The following HS6ST3 variants were observed in gnomAD, a reference collection of about 807,000 sequenced individuals.
The protein encoded by HS6ST3 is heparan-sulfate 6-O-sulfotransferase 3.
In HS6ST3, 12 loss-of-function variants were observed where a neutral mutation model predicts 36.7. That is an observed-to-expected ratio of 0.33 (90% CI 0.21 to 0.53). The LOEUF (loss-of-function observed/expected upper bound fraction) is 0.53, where lower values mean the gene tolerates loss of function less well. Ranked by LOEUF, HS6ST3 falls within the 20% of genes least tolerant of loss-of-function variation. The pLI is 0.95. For missense variants in HS6ST3, 584 were observed against 640.9 expected (o/e 0.91, Z 0.96); for synonymous variants, 240 against 257.5 (o/e 0.93, Z 0.65).
At chr13:96,361,554 A>G (rs1455445964) in intron 1 of HS6ST3, among the ~76,000 whole-genome samples, 1 of 152,188 alleles carries the variant, frequency 6.6e-6, no homozygotes, top group African/African-American at 2.4e-5. Context: ...TGAAAACAAC[A>G]AAAGGGTGAG....
In HS6ST3 at chr13:96,108,039, A is replaced by G. The variant is rs564099302; in HGVS notation, c.707+16470A>G. On this transcript the variant is annotated intron_variant, in intron 1 of 1. Coordinates refer to ENST00000376705, the MANE Select transcript of HS6ST3 (RefSeq NM_153456.4). ...TGTTCAGGGAACAAGGGAGGTAACC[A>G]TTAGGTCTGACTGCCTGGGAGCCGG... 4.6e-5 allele frequency among the ~76,000 whole-genome samples: 7 copies of G among 152,346 alleles called. No homozygotes were observed. In the East Asian group the frequency reaches 1.2e-3, roughly 25 times the overall value.
At chr13:96,706,753 A>T (rs1248735962) in intron 1 of HS6ST3, among the ~76,000 whole-genome samples, 1 of 152,040 alleles carries the variant, frequency 6.6e-6, no homozygotes, top group Non-Finnish European at 1.5e-5. Flanking sequence ...ATATTTAAAG[A>T]CAGCTACAGT....
In HS6ST3 at chr13:96,112,584, T is replaced by TATATATATATATATAC. The variant is rs2053874727; in HGVS notation, c.707+21030_707+21031insCATATATATATATATA. On this transcript the variant is annotated intron_variant, in intron 1 of 1. Coordinates refer to ENST00000376705, the MANE Select transcript of HS6ST3 (RefSeq NM_153456.4). The stretch of plus-strand genomic sequence containing the variant: ...CCCATCTCTAAAATAAATAAATATA[T>TATATATATATATATAC]ATATATATATATATATATATATATA... 2.3e-4 allele frequency among the ~76,000 whole-genome samples: 2 copies of TATATATATATATATAC among 8,776 alleles called. 1 individual carries two copies. The highest frequency in any genetic ancestry group is 5.6e-4 in the Non-Finnish European group (2 of 3,588). The allele number at this position is 8,776 out of a possible 152,430, so 5.8% of individuals were successfully genotyped here.
chr13:96,816,141 A>G (rs531506327), intron 1 of HS6ST3, among the ~76,000 whole-genome samples: 231 of 152,366 alleles, frequency 1.5e-3, no homozygotes, highest in African/African-American at 5.3e-3. Context: ...TGGAAAGCAC[A>G]AAGGTGACTT....
At chr13:96,765,101 C>G (rs1877069800) in intron 1 of HS6ST3, among the ~76,000 whole-genome samples, 1 of 121,314 alleles carries the variant, frequency 8.2e-6, no homozygotes, top group Non-Finnish European at 1.6e-5. Context: ...GAGTCTCGCT[C>G]TGTCGCCCAC....
At chr13:96,756,791 T>C in intron 1 of HS6ST3, among the ~76,000 whole-genome samples, 1 of 152,210 alleles carries the variant, frequency 6.6e-6, no homozygotes, top group African/African-American at 2.4e-5. Flanking sequence ...GCTTGCTGCA[T>C]ATCTATCTAT....
intron 1 of HS6ST3, among the ~76,000 whole-genome samples, chr13:96,118,232 A>T: frequency 6.6e-6 from 1 of 152,104 alleles, no homozygotes; most frequent in Admixed American, 6.5e-5. Flanking sequence ...AAATGAGGTC[A>T]TTGGGGTGGG....
At chr13:96,723,391 CTT>C (rs1483992388) in intron 1 of HS6ST3, among the ~76,000 whole-genome samples, 1 of 152,142 alleles carries the variant, frequency 6.6e-6, no homozygotes, top group East Asian at 1.9e-4. Flanking sequence ...GCAGAATAAA[CTT>C]GGGTGGCTCC....
chr13:96,402,908 C>T (rs1433576113), intron 1 of HS6ST3, among the ~76,000 whole-genome samples: 1 of 152,126 alleles, frequency 6.6e-6, no homozygotes, highest in African/African-American at 2.4e-5. Flanking sequence ...ATATATGTTT[C>T]CTTTCGCTTG....
intron 1 of HS6ST3, chr13:96,573,688 A>G: frequency 3.4e-6 from 1 of 293,262 alleles, no homozygotes; most frequent in Non-Finnish European, 6.5e-6. Flanking sequence ...GAGAGCAAGA[A>G]GCCCAAATTA....
chr13:96,795,794 A>G (rs907351313), intron 1 of HS6ST3, among the ~76,000 whole-genome samples: 1 of 152,110 alleles, frequency 6.6e-6, no homozygotes, highest in Non-Finnish European at 1.5e-5. Flanking sequence ...TTTTATCCCC[A>G]TAGCAACAAG....
chr13:96,164,026 C>A (rs2054149576), intron 1 of HS6ST3, among the ~76,000 whole-genome samples: 1 of 152,122 alleles, frequency 6.6e-6, no homozygotes, highest in South Asian at 2.1e-4. Context: ...AGGAATGATT[C>A]CTGGTGCTTT....
intron 1 of HS6ST3, among the ~76,000 whole-genome samples, chr13:96,571,431 A>G (rs1039636769): frequency 6.6e-6 from 1 of 152,246 alleles, no homozygotes; most frequent in African/African-American, 2.4e-5. Context: ...CAATATCAGC[A>G]AGCAAACAGC....
intron 1 of HS6ST3, among the ~76,000 whole-genome samples, chr13:96,425,995 G>A (rs1001570265): frequency 7.3e-5 from 11 of 151,626 alleles, no homozygotes; most frequent in Admixed American, 3.3e-4. Flanking sequence ...AAACAAGTCA[G>A]TGCCCCCCGA....
intron 1 of HS6ST3, among the ~76,000 whole-genome samples, chr13:96,787,775 A>T (rs1877687489): frequency 6.6e-6 from 1 of 151,986 alleles, no homozygotes; most frequent in Non-Finnish European, 1.5e-5. Context: ...ATAAGGTCAA[A>T]TATATCAATA....
chr13:96,337,464 T>G (rs2055107761), intron 1 of HS6ST3, among the ~76,000 whole-genome samples: 1 of 152,212 alleles, frequency 6.6e-6, no homozygotes, highest in Non-Finnish European at 1.5e-5. Flanking sequence ...TCGTGGGATG[T>G]GAAATGTTCT....
At chr13:96,317,356 A>ATATATATATAAAAT (rs2054978659) in intron 1 of HS6ST3, among the ~76,000 whole-genome samples, 9 of 14,216 alleles carry the variant, frequency 6.3e-4, no homozygotes, top group Admixed American at 6.2e-4. Context: ...ATATATATAT[A>ATATATATATAAAAT]TATATATATA....
intron 1 of HS6ST3, among the ~76,000 whole-genome samples, chr13:96,413,268 T>C (rs1458132901): frequency 6.6e-6 from 1 of 152,224 alleles, no homozygotes; most frequent in East Asian, 1.9e-4. Flanking sequence ...ATAGATTGTT[T>C]CTTGAGTTTG....
At chr13:96,399,871 A>G (rs930099401) in intron 1 of HS6ST3, among the ~76,000 whole-genome samples, 1 of 152,244 alleles carries the variant, frequency 6.6e-6, no homozygotes, top group Non-Finnish European at 1.5e-5. Flanking sequence ...CTACATTATA[A>G]GTAAAAACTA....
Sources: gnomAD v4.1 joint callset for allele counts (sites outside exome capture counted in the v4.1 genomes callset) on GRCh38, gnomAD v4.1.1 for gene constraint, MANE v1.5 for transcripts, NCBI Gene and HGNC (gene_info 2026-07-23, HGNC 2026-07-21) for gene names.